PLCB1: variants seen among roughly 807,000 people sequenced by gnomAD.
PLCB1 encodes 1-phosphatidylinositol 4,5-bisphosphate phosphodiesterase beta-1.
In PLCB1, 46 loss-of-function variants were observed where a neutral mutation model predicts 161.8. The ratio of observed to expected loss-of-function variants is 0.28; its 90% CI spans 0.22 to 0.36. PLCB1 has a LOEUF of 0.36. PLCB1 is among the 10% of genes least tolerant of loss of function. PLCB1 has a pLI of 1.00. For synonymous variants in PLCB1, 517 were observed against 503.7 expected (o/e 1.03, Z -0.35); for missense variants, 1,016 against 1,472.5 (o/e 0.69, Z 5.07).
intron 2 of PLCB1, among the ~76,000 whole-genome samples, chr20:8,300,234 C>T (rs940725784): frequency 1.3e-5 from 2 of 152,152 alleles, no homozygotes; most frequent in South Asian, 2.1e-4. Context: ...ATATCAAGTA[C>T]GAGTATTTGT....
chr20:8,609,206 G>A (rs776079229), intron 3 of PLCB1, among the ~76,000 whole-genome samples: 1 of 152,076 alleles, frequency 6.6e-6, no homozygotes, highest in African/African-American at 2.4e-5. Context: ...AAGTAATTGC[G>A]GTTTTTGTCA....
chr20:8,813,087 G>T (rs1488955483), intron 31 of PLCB1, among the ~76,000 whole-genome samples: 4 of 152,178 alleles, frequency 2.6e-5, no homozygotes, highest in African/African-American at 4.8e-5. Flanking sequence ...CCTGGACACC[G>T]CGTCCTCTCC....
intron 30 of PLCB1, 25 bp downstream of exon 30, chr20:8,789,600 C>A (rs776474772): frequency 1.3e-6 from 2 of 1,556,198 alleles, no homozygotes; most frequent in Non-Finnish European, 1.8e-6. Flanking sequence ...CACGCTCTCT[C>A]CTTTGCAAAA....
chr20:8,335,449 A>G (rs541546068), intron 2 of PLCB1, among the ~76,000 whole-genome samples: 1 of 152,336 alleles, frequency 6.6e-6, no homozygotes, highest in South Asian at 2.1e-4. Flanking sequence ...AATAGTTCAC[A>G]TTAAAGTCTT....
chr20:8,152,920 A>G (rs1298837029), intron 2 of PLCB1, among the ~76,000 whole-genome samples: 1 of 152,162 alleles, frequency 6.6e-6, no homozygotes, highest in Non-Finnish European at 1.5e-5. Context: ...GTAAATGGCC[A>G]CATTTTATGA....
chr20:8,416,737 G>C lies in PLCB1; in HGVS notation c.246+45287G>C, dbSNP rs535359210. 2.6e-5 allele frequency among the ~76,000 whole-genome samples: 4 copies of C among 152,000 alleles called. 1 individual carries two copies. The highest frequency in any genetic ancestry group is 9.7e-5 in the African/African-American group (4 of 41,442). On this transcript the variant is annotated intron_variant, in intron 3 of 31. Transcript: ENST00000338037. ...TTGAGCCAAGTTTTGAAATGTGAGG[G>C]TTTTGTTTAGAGACTCTTTCAGGAA...
chr20:8,633,454 G>T (rs911894766), intron 4 of PLCB1, among the ~76,000 whole-genome samples: 2 of 152,042 alleles, frequency 1.3e-5, no homozygotes, highest in African/African-American at 4.8e-5. Flanking sequence ...AAATTTGGGG[G>T]TCATTGGGTA....
intron 3 of PLCB1, among the ~76,000 whole-genome samples, chr20:8,543,230 T>G (rs898624183): frequency 8.6e-5 from 13 of 150,916 alleles, no homozygotes; most frequent in African/African-American, 3.2e-4. Context: ...ATAGGAAGAG[T>G]TTGGGGAGCT....
intron 3 of PLCB1, among the ~76,000 whole-genome samples, chr20:8,627,501 T>G (rs1429793343): frequency 6.6e-6 from 1 of 152,300 alleles, no homozygotes; most frequent in East Asian, 1.9e-4. Context: ...TGCTAAGTGA[T>G]TGATTTGATG....
intron 11 of PLCB1, among the ~76,000 whole-genome samples, chr20:8,704,051 A>G (rs560793989): frequency 2.0e-5 from 3 of 152,318 alleles, no homozygotes; most frequent in African/African-American, 7.2e-5. Context: ...GACAGCCATC[A>G]TCAGAAAAGT....
intron 26 of PLCB1, among the ~76,000 whole-genome samples, chr20:8,773,388 G>C (rs1380810733): frequency 1.3e-5 from 2 of 152,112 alleles, no homozygotes. Context: ...TTTCCTACAG[G>C]TGATAATACA....
Position 8,782,509 on chromosome 20 carries a change from C to T in PLCB1, c.3112-5940C>T, listed in dbSNP as rs536018160. Among the ~76,000 whole-genome samples, 3 of 152,286 alleles carry T rather than the reference C, an allele frequency of 2.0e-5. No individual in the cohort carries two copies. In the East Asian group the frequency reaches 5.8e-4, roughly 29 times the overall value. On this transcript the variant is annotated intron_variant, in intron 27 of 31. Transcript: ENST00000338037. ...CTGGGCTTTAGTGGTCCTCCTACCT[C>T]AGCCTCCCAAGTAGCTGGGACTACA...
chr20:8,737,676 C>G (rs1171409722), intron 20 of PLCB1, among the ~76,000 whole-genome samples: 2 of 152,282 alleles, frequency 1.3e-5, no homozygotes, highest in African/African-American at 4.8e-5. Context: ...CAACTGGGCC[C>G]TTCTCTTTCT....
At chr20:8,249,663 T>A (rs1981044331) in intron 2 of PLCB1, 1 of 151,908 alleles carries the variant, frequency 6.6e-6, no homozygotes, top group Non-Finnish European at 1.5e-5. Flanking sequence ...TGCTTCCTGG[T>A]GATTTTAGGT....
chr20:8,568,136 A>C (rs1986400076), intron 3 of PLCB1, among the ~76,000 whole-genome samples: 1 of 152,334 alleles, frequency 6.6e-6, no homozygotes, highest in Admixed American at 6.5e-5. Context: ...TGCAATCTTT[A>C]AAACACCGTC....
At chr20:8,354,267 G>C (rs1268325642) in intron 2 of PLCB1, among the ~76,000 whole-genome samples, 2 of 152,012 alleles carry the variant, frequency 1.3e-5, no homozygotes, top group Non-Finnish European at 2.9e-5. Flanking sequence ...AGTAAAACAA[G>C]TATTTCAAGA....
intron 2 of PLCB1, among the ~76,000 whole-genome samples, chr20:8,303,518 C>A (rs1983999131): frequency 6.6e-6 from 1 of 152,150 alleles, no homozygotes; most frequent in Non-Finnish European, 1.5e-5. Context: ...ATTTTACTAT[C>A]CTTTTTTGTA....
intron 3 of PLCB1, among the ~76,000 whole-genome samples, chr20:8,621,534 T>C (rs1988185089): frequency 6.6e-6 from 1 of 152,232 alleles, no homozygotes; most frequent in Non-Finnish European, 1.5e-5. Context: ...GCTTCGACTC[T>C]TTGCTAGGAA....
At chr20:8,802,053 CAG>C (rs1491143512) in intron 31 of PLCB1, 2 of 1,563,008 alleles carry the variant, frequency 1.3e-6, no homozygotes, top group African/African-American at 1.4e-5. Context: ...TTTTTCCACA[CAG>C]GGGGAAGGTT....
Sources: allele counts gnomAD v4.1 joint callset (sites outside exome capture counted in the v4.1 genomes callset), GRCh38; gene constraint gnomAD v4.1.1; transcripts MANE v1.5; gene names NCBI Gene and HGNC (gene_info 2026-07-23, HGNC 2026-07-21).